Variants in VTI1A observed in about 807,000 individuals in gnomAD.
VTI1A encodes the protein vesicle transport through interaction with t-SNAREs homolog 1A.
In VTI1A, 22 loss-of-function variants were observed where a neutral mutation model predicts 34.9. The ratio of observed to expected loss-of-function variants is 0.63; its 90% confidence interval spans 0.45 to 0.90. The LOEUF is 0.90. VTI1A is among the 40% of genes least tolerant of loss of function. The pLI, the probability that VTI1A is intolerant of heterozygous loss-of-function variation, is 0.00. For missense variants in VTI1A, 268 were observed against 275.6 expected (o/e 0.97, Z 0.20); for synonymous variants, 87 against 97.3 (o/e 0.89, Z 0.62).
chr10:112,745,589 C>G (rs1850868172), intron 7 of VTI1A, among the ~76,000 whole-genome samples: 1 of 152,196 alleles, frequency 6.6e-6, no homozygotes, highest in South Asian at 2.1e-4. Context: ...ACATGTGAAT[C>G]TATCCCACTA....
At chr10:112,834,340 T>G in the VTI1A span, among the ~76,000 whole-genome samples, 1 of 152,110 alleles carries the variant, frequency 6.6e-6, no homozygotes, top group Non-Finnish European at 1.5e-5. Flanking sequence ...GGAATACGGA[T>G]GGGAATAAGC....
At chr10:112,539,166 A>G (rs1322476544) in intron 5 of VTI1A, among the ~76,000 whole-genome samples, 1 of 152,096 alleles carries the variant, frequency 6.6e-6, no homozygotes, top group East Asian at 1.9e-4. Context: ...TATTTTGTGT[A>G]TTTTGGATAG....
chr10:112,448,813 T>C (rs533250890), intron 1 of VTI1A: 16 of 152,336 alleles, frequency 1.1e-4, no homozygotes, highest in African/African-American at 3.6e-4. Flanking sequence ...CCAAAACTTA[T>C]GTGTTTATAA....
chr10:112,513,584 G>A (rs1420211553), intron 3 of VTI1A, among the ~76,000 whole-genome samples: 1 of 151,938 alleles, frequency 6.6e-6, no homozygotes, highest in Non-Finnish European at 1.5e-5. Flanking sequence ...TGAAAAGAAG[G>A]GGTGAGAGTG....
At chr10:112,597,128 T>G (rs1430589189) in intron 5 of VTI1A, among the ~76,000 whole-genome samples, 1 of 152,190 alleles carries the variant, frequency 6.6e-6, no homozygotes, top group African/African-American at 2.4e-5. Flanking sequence ...GGTTTGAGAA[T>G]CAAACAGATC....
intron 2 of VTI1A, among the ~76,000 whole-genome samples, chr10:112,462,833 G>T (rs1322516427): frequency 6.6e-6 from 1 of 152,186 alleles, no homozygotes; most frequent in Admixed American, 6.5e-5. Flanking sequence ...TAAACTACAT[G>T]GCAGCATTTT....
At chr10:112,501,580 T>A (rs1157947283) in intron 3 of VTI1A, among the ~76,000 whole-genome samples, 1 of 152,160 alleles carries the variant, frequency 6.6e-6, no homozygotes, top group Non-Finnish European at 1.5e-5. Flanking sequence ...ATATTAATAG[T>A]CATACTTTAA....
At chr10:112,708,718 C>G (rs1849289224) in intron 7 of VTI1A, among the ~76,000 whole-genome samples, 1 of 152,204 alleles carries the variant, frequency 6.6e-6, no homozygotes, top group African/African-American at 2.4e-5. Context: ...TTTCACCATT[C>G]AGCAGTCTAG....
intron 7 of VTI1A, among the ~76,000 whole-genome samples, chr10:112,730,381 T>C (rs1449595564): frequency 2.6e-5 from 4 of 152,180 alleles, no homozygotes; most frequent in Non-Finnish European, 4.4e-5. Flanking sequence ...TCCCTGCCAA[T>C]TGATAGTCAC....
At chr10:112,742,441 A>G (rs1343420952) in intron 7 of VTI1A, among the ~76,000 whole-genome samples, 1 of 152,174 alleles carries the variant, frequency 6.6e-6, no homozygotes, top group African/African-American at 2.4e-5. Context: ...TGAGCCTGAA[A>G]CTCAGCTTTG....
chr10:112,558,771 A>C (rs1051319077), intron 5 of VTI1A, among the ~76,000 whole-genome samples: 3 of 152,204 alleles, frequency 2.0e-5, no homozygotes, highest in Non-Finnish European at 4.4e-5. Flanking sequence ...TTTTTCTTTA[A>C]GCATTGAAGC....
chr10:112,510,829 GT>G (rs1849582962), intron 3 of VTI1A, among the ~76,000 whole-genome samples: 1 of 152,192 alleles, frequency 6.6e-6, no homozygotes, highest in Non-Finnish European at 1.5e-5. Context: ...ATAAAAGTAT[GT>G]TGCTAATTTA....
At chr10:112,588,758 T>TA (rs1844259629) in intron 5 of VTI1A, among the ~76,000 whole-genome samples, 1 of 152,206 alleles carries the variant, frequency 6.6e-6, no homozygotes, top group Non-Finnish European at 1.5e-5. Flanking sequence ...GACTTTAATG[T>TA]ATTATAGTAA....
chr10:112,543,789 C>G (rs1850961852), intron 5 of VTI1A, among the ~76,000 whole-genome samples: 1 of 152,200 alleles, frequency 6.6e-6, no homozygotes, highest in South Asian at 2.1e-4. Context: ...CCTAGGTTTT[C>G]TTCTAGAGTT....
At chr10:112,633,883 C>T (rs920374680) in intron 5 of VTI1A, among the ~76,000 whole-genome samples, 1 of 151,352 alleles carries the variant, frequency 6.6e-6, no homozygotes, top group Non-Finnish European at 1.5e-5. Flanking sequence ...ATGACTCACT[C>T]CAGAAAATAC....
chr10:112,726,867 G>C (rs1296098839), intron 7 of VTI1A, among the ~76,000 whole-genome samples: 1 of 152,118 alleles, frequency 6.6e-6, no homozygotes. Flanking sequence ...CGGGGGGTCA[G>C]TTTCAAATCA....
At chr10:112,473,573 A>G (rs1848175094) in intron 3 of VTI1A, among the ~76,000 whole-genome samples, 1 of 152,192 alleles carries the variant, frequency 6.6e-6, no homozygotes, top group Non-Finnish European at 1.5e-5. Flanking sequence ...ATTGTGCTGC[A>G]GTGAACATAT....
At chr10:112,699,988 G>A (rs1226050128) in intron 7 of VTI1A, among the ~76,000 whole-genome samples, 3 of 150,536 alleles carry the variant, frequency 2.0e-5, no homozygotes, top group Non-Finnish European at 4.4e-5. Flanking sequence ...GTATGGTGGC[G>A]GGCACCTGTA....
intron 7 of VTI1A, among the ~76,000 whole-genome samples, chr10:112,686,512 C>G (rs923548400): frequency 1.3e-5 from 2 of 152,102 alleles, no homozygotes; most frequent in African/African-American, 4.8e-5. Context: ...CCTGTTTTAA[C>G]TGTTGGTATT....
Sources: gnomAD v4.1 joint callset for allele counts (sites outside exome capture counted in the v4.1 genomes callset) on GRCh38, gnomAD v4.1.1 for gene constraint, MANE v1.5 for transcripts, NCBI Gene and HGNC (gene_info 2026-07-23, HGNC 2026-07-21) for gene names.